Variants in GLT1D1 observed in about 807,000 individuals in gnomAD.
GLT1D1 encodes glycosyltransferase 1 domain-containing protein 1.
A neutral mutation model predicts 28.7 loss-of-function variants in GLT1D1; 21 were observed. The observed-to-expected ratio is 0.73, with a 90% CI of 0.52 to 1.05. GLT1D1 has a LOEUF of 1.05. GLT1D1 is among the 50% of genes least tolerant of loss of function. The pLI, the probability that GLT1D1 is intolerant of heterozygous loss-of-function variation, is 0.00. For synonymous variants in GLT1D1, 147 were observed against 124.8 expected (o/e 1.18, Z -1.19); for missense variants, 343 against 330.6 (o/e 1.04, Z -0.29).
chr12:128,921,061 G>A (rs772471155), intron 4 of GLT1D1, among the ~76,000 whole-genome samples: 1 of 152,170 alleles, frequency 6.6e-6, no homozygotes, highest in Non-Finnish European at 1.5e-5. Flanking sequence ...TGATGCTTAC[G>A]TGTGATGAGC....
At chr12:128,944,953 C>T (rs920764593) in intron 4 of GLT1D1, 24 of 545,354 alleles carry the variant, frequency 4.4e-5, no homozygotes, top group South Asian at 7.0e-5. Context: ...CTCCAGCCCC[C>T]GACCCCCAAC....
chr12:128,895,170 T>C (rs953880039), intron 3 of GLT1D1, among the ~76,000 whole-genome samples: 1 of 152,078 alleles, frequency 6.6e-6, no homozygotes, highest in Non-Finnish European at 1.5e-5. Context: ...TTATAATTTT[T>C]TTTTGTCCTT....
At chr12:128,865,433 A>G (rs548529792) in intron 1 of GLT1D1, among the ~76,000 whole-genome samples, 2 of 152,314 alleles carry the variant, frequency 1.3e-5, no homozygotes, top group East Asian at 3.9e-4. Flanking sequence ...GAACATGTCT[A>G]TCACCTTGAA....
At chr12:128,929,702 C>T (rs538592486) in intron 4 of GLT1D1, among the ~76,000 whole-genome samples, 36 of 152,272 alleles carry the variant, frequency 2.4e-4, no homozygotes, top group African/African-American at 8.4e-4. Context: ...TGGCTCAGGC[C>T]TGTAATCCCA....
intron 7 of GLT1D1, among the ~76,000 whole-genome samples, chr12:128,962,411 T>C (rs1053623784): frequency 6.6e-6 from 1 of 152,228 alleles, no homozygotes; most frequent in Non-Finnish European, 1.5e-5. Flanking sequence ...TGGATTAGCC[T>C]GGGCAGCAGC....
intron 7 of GLT1D1, among the ~76,000 whole-genome samples, chr12:128,967,227 T>A (rs911304303): frequency 1.3e-5 from 2 of 151,608 alleles, no homozygotes; most frequent in African/African-American, 4.9e-5. Flanking sequence ...GCCATAGTGT[T>A]CTATGTGACT....
At chr12:128,860,264 C>T (rs1233253743) in intron 1 of GLT1D1, among the ~76,000 whole-genome samples, 1 of 152,228 alleles carries the variant, frequency 6.6e-6, no homozygotes, top group Non-Finnish European at 1.5e-5. Context: ...AGTTCAAGAC[C>T]AGCCTGGCCA....
intron 4 of GLT1D1, 84 bp from the exon 6 acceptor site, chr12:128,914,849 A>C (rs933780613): frequency 4.4e-6 from 4 of 907,724 alleles, no homozygotes; most frequent in African/African-American, 3.3e-5. Flanking sequence ...TAATAATAAT[A>C]ATAAGCCTCA....
intron 4 of GLT1D1, among the ~76,000 whole-genome samples, chr12:128,928,600 C>T (rs959131635): frequency 8.6e-5 from 13 of 150,944 alleles, no homozygotes; most frequent in African/African-American, 1.5e-4. Flanking sequence ...GTGACAGCTC[C>T]GCGTGTTTGT....
chr12:128,885,759 C>T (rs1957160553), intron 2 of GLT1D1, among the ~76,000 whole-genome samples: 1 of 152,156 alleles, frequency 6.6e-6, no homozygotes, highest in African/African-American at 2.4e-5. Flanking sequence ...AATATGTTCA[C>T]ACCTTTTAAA....
intron 4 of GLT1D1, among the ~76,000 whole-genome samples, chr12:128,925,041 T>G (rs1003006099): frequency 2.1e-4 from 30 of 140,842 alleles, no homozygotes; most frequent in African/African-American, 7.3e-4. Context: ...TTGTTTTTTG[T>G]TTTTTTTTTT....
At chr12:128,928,472 T>G (rs1272914308) in intron 4 of GLT1D1, among the ~76,000 whole-genome samples, 2 of 152,120 alleles carry the variant, frequency 1.3e-5, no homozygotes, top group Non-Finnish European at 2.9e-5. Context: ...GGGCTTAGGA[T>G]TCATAGAATC....
chr12:128,935,061 T>C (rs1395607769), intron 4 of GLT1D1, among the ~76,000 whole-genome samples: 1 of 152,078 alleles, frequency 6.6e-6, no homozygotes, highest in Non-Finnish European at 1.5e-5. Flanking sequence ...GCCCACCCTT[T>C]TGTGAGCCTG....
intron 4 of GLT1D1, among the ~76,000 whole-genome samples, chr12:128,908,898 G>A (rs1043138308): frequency 9.2e-5 from 14 of 152,240 alleles, no homozygotes; most frequent in Non-Finnish European, 8.8e-5. Flanking sequence ...GCAGTGAGCC[G>A]AGATCGCGCC....
chr12:128,895,930 G>C (rs1869580143), intron 3 of GLT1D1, among the ~76,000 whole-genome samples: 2 of 152,184 alleles, frequency 1.3e-5, no homozygotes, highest in Admixed American at 6.5e-5. Flanking sequence ...GAATGGTATG[G>C]TGGAAACCAA....
intron 4 of GLT1D1, among the ~76,000 whole-genome samples, chr12:128,920,932 C>T (rs644655): frequency 0.99 from 151,008 of 152,332 alleles, 74,867 homozygotes; most frequent in East Asian, 1. Flanking sequence ...GGTATGTGCC[C>T]TGTCTCTGAG....
intron 7 of GLT1D1, among the ~76,000 whole-genome samples, chr12:128,979,471 C>T (rs1190330935): frequency 1.3e-5 from 2 of 152,216 alleles, no homozygotes; most frequent in Admixed American, 6.5e-5. Context: ...CCACCCTCAG[C>T]TCTTAGAAGC....
At chr12:128,978,049 T>G (rs1020743153) in intron 7 of GLT1D1, among the ~76,000 whole-genome samples, 4 of 151,934 alleles carry the variant, frequency 2.6e-5, no homozygotes, top group African/African-American at 9.7e-5. Context: ...CCTCCCAAAA[T>G]GCTGGGTTTA....
intron 6 of GLT1D1, among the ~76,000 whole-genome samples, chr12:128,949,667 C>T (rs1219251246): frequency 6.6e-6 from 1 of 152,184 alleles, no homozygotes; most frequent in Admixed American, 6.5e-5. Flanking sequence ...AGCTTTTTGA[C>T]GGAGTTGAAT....
Sources: gnomAD v4.1 joint callset for allele counts (sites outside exome capture counted in the v4.1 genomes callset) on GRCh38, gnomAD v4.1.1 for gene constraint, MANE v1.5 for transcripts, NCBI Gene and HGNC (gene_info 2026-07-23, HGNC 2026-07-21) for gene names.